The following MBOAT1 variants were observed in gnomAD, a reference collection of about 807,000 sequenced individuals.
The protein encoded by MBOAT1 is membrane bound glycerophospholipid O-acyltransferase 1.
MBOAT1 carries 67 observed loss-of-function variants against 64.4 expected under a neutral mutation model. That is an observed-to-expected ratio of 1.04 (90% CI 0.85 to 1.27). The LOEUF (loss-of-function observed/expected upper bound fraction) is 1.27, where lower values mean the gene tolerates loss of function less well. Ranked by LOEUF, MBOAT1 falls within the 50% of genes most tolerant of loss-of-function variation. MBOAT1 has a pLI of 0.00. For synonymous variants in MBOAT1, 229 were observed against 218.9 expected, an observed-to-expected ratio of 1.05 and a Z score of -0.41; for missense variants, 563 against 604.6, an observed-to-expected ratio of 0.93 and a Z score of 0.72.
At position 20,117,834 on chromosome 6, in the gene MBOAT1, C is replaced by T. The variant is rs1360708491; in HGVS notation, c.1011+603G>A. Among the ~76,000 whole-genome samples, 3 of 152,340 alleles carry T rather than the reference C, an allele frequency of 2.0e-5. No individual in the cohort carries two copies. The East Asian group carries it at 5.8e-4, about 29-fold the overall frequency. On this transcript the variant is annotated intron_variant, in intron 9 of 12. Coordinates refer to ENST00000324607, the MANE Select transcript of MBOAT1 (RefSeq NM_001080480.3). ...ATCTGAGACTTGGCATTCCTGTCTA[C>T]TCTGAGAGCTAGCAATGCAAAGAAA...
chr6:20,120,232 A>G (rs562041280), intron 8 of MBOAT1, among the ~76,000 whole-genome samples: 34 of 152,296 alleles, frequency 2.2e-4, no homozygotes, highest in African/African-American at 6.7e-4. Context: ...CCTTGAGCAT[A>G]AAATGGATAT....
chr6:20,199,934 C>T (rs188631549), intron 1 of MBOAT1, among the ~76,000 whole-genome samples: 245 of 152,166 alleles, frequency 1.6e-3, no homozygotes, highest in Non-Finnish European at 1.7e-3. Context: ...TGCCACTGCA[C>T]TCCAGCCTGG....
chr6:20,186,145 T>C (rs1439253777), intron 1 of MBOAT1, among the ~76,000 whole-genome samples: 1 of 152,234 alleles, frequency 6.6e-6, no homozygotes, highest in African/African-American at 2.4e-5. Flanking sequence ...ATAGTGCCAC[T>C]GTACTCCAGC....
chr6:20,189,399 T>G (rs1762741893), intron 1 of MBOAT1, among the ~76,000 whole-genome samples: 1 of 152,130 alleles, frequency 6.6e-6, no homozygotes, highest in Admixed American at 6.5e-5. Flanking sequence ...TCTAAGTAAT[T>G]TTTTTTAAGA....
At chr6:20,111,784 T>A in intron 11 of MBOAT1, among the ~76,000 whole-genome samples, 1 of 81,288 alleles carries the variant, frequency 1.2e-5, no homozygotes, top group African/African-American at 3.7e-5. Flanking sequence ...CTAGCCAGCA[T>A]GAACAGTAAT....
chr6:20,176,883 C>A (rs1318683655), intron 1 of MBOAT1, among the ~76,000 whole-genome samples: 1 of 152,202 alleles, frequency 6.6e-6, no homozygotes, highest in Non-Finnish European at 1.5e-5. Flanking sequence ...CTTAGCCTCC[C>A]AAAGTGCTGG....
intron 1 of MBOAT1, among the ~76,000 whole-genome samples, chr6:20,209,088 T>A (rs1161649484): frequency 6.6e-6 from 1 of 152,224 alleles, no homozygotes. Context: ...GCCCACTTTA[T>A]CCTAAGTGAA....
intron 11 of MBOAT1, among the ~76,000 whole-genome samples, chr6:20,112,316 G>GA (rs1340487352): frequency 1.3e-5 from 2 of 152,008 alleles, no homozygotes; most frequent in Non-Finnish European, 2.9e-5. Context: ...ACAGGCTCCT[G>GA]AAAAATCCTA....
intron 1 of MBOAT1, among the ~76,000 whole-genome samples, chr6:20,164,797 C>T (rs77278632): frequency 0.033 from 5,005 of 152,240 alleles, 102 homozygotes; most frequent in Non-Finnish European, 0.048. Context: ...GTTCGACTTA[C>T]GATTTTTCAA....
intron 1 of MBOAT1, among the ~76,000 whole-genome samples, chr6:20,162,184 G>A (rs765279581): frequency 1.2e-4 from 18 of 152,146 alleles, no homozygotes; most frequent in Admixed American, 2.0e-4. Flanking sequence ...AGGGACTCGG[G>A]GTTTAGGACT....
At chr6:20,171,301 C>A (rs1762183230) in intron 1 of MBOAT1, among the ~76,000 whole-genome samples, 1 of 151,416 alleles carries the variant, frequency 6.6e-6, no homozygotes, top group African/African-American at 2.4e-5. Context: ...CTTTGGGAGG[C>A]CAAGGCAGAA....
At position 20,112,891 on chromosome 6, in the gene MBOAT1, T is replaced by C. The variant is rs1258790645; in HGVS notation, c.1194A>G (p.Thr398=). ...YFTFLTGILV[T]LAARAVRNNY... Reference sequence around the variant, plus strand: ...GCACACTTACCGCTCTAGCTGCTAATGTGACAAGAATTCCAGTTAAGAAGG... The same window carrying C: ...GCACACTTACCGCTCTAGCTGCTAACGTGACAAGAATTCCAGTTAAGAAGG... The change falls in exon 11 of 13, where the codon ACA becomes ACG. Residue 398 remains threonine, a synonymous_variant. Transcript: ENST00000324607. 3 of 1,613,898 alleles carry C rather than the reference T, an allele frequency of 1.9e-6. No homozygotes were observed. Among genetic ancestry groups the C allele is most frequent in the Admixed American group, 1.7e-5 (1 of 59,992 alleles).
rs1037717129 is a variant in MBOAT1, at chr6:20,196,186, C to T, written c.99+15950G>A. Among the ~76,000 whole-genome samples the T allele has an allele frequency of 5.9e-5, 9 of 152,276 alleles. No homozygotes were observed. The South Asian group carries it at 1.7e-3, about 28-fold the overall frequency. On this transcript the variant is annotated intron_variant, in intron 1 of 12. Transcript: ENST00000324607. ...AAGCAGCAAATGCAATTTAAGTGAG[C>T]CTGGATTGGGAATACCTCAGCTGCA...
At chr6:20,151,527 T>C (rs1426019034) in intron 2 of MBOAT1, among the ~76,000 whole-genome samples, 3 of 152,246 alleles carry the variant, frequency 2.0e-5, no homozygotes, top group East Asian at 1.9e-4. Context: ...TTTTTTCCCA[T>C]ATGCAATTGA....
intron 3 of MBOAT1, among the ~76,000 whole-genome samples, chr6:20,149,998 C>T (rs375005829): frequency 1.0e-3 from 156 of 152,184 alleles, no homozygotes; most frequent in African/African-American, 3.3e-3. Flanking sequence ...GTATTGTTCC[C>T]GGCTTGGAGG....
At chr6:20,176,435 C>T (rs1762343763) in intron 1 of MBOAT1, among the ~76,000 whole-genome samples, 2 of 152,114 alleles carry the variant, frequency 1.3e-5, no homozygotes, top group Admixed American at 6.5e-5. Context: ...GGATCTGGAG[C>T]CTGTATGGAT....
intron 1 of MBOAT1, among the ~76,000 whole-genome samples, chr6:20,198,435 C>T (rs1763024328): frequency 6.6e-6 from 1 of 152,150 alleles, no homozygotes; most frequent in Non-Finnish European, 1.5e-5. Flanking sequence ...CCATCAAGTA[C>T]AAGACCCTCT....
chr6:20,124,310 G>A, intron 8 of MBOAT1, 98 bp downstream of exon 8: 8 of 1,247,514 alleles, frequency 6.4e-6, no homozygotes, highest in Non-Finnish European at 9.0e-6. Flanking sequence ...TACGTGTTGA[G>A]CTTCTTTGAT....
chr6:20,210,203 G>T (rs1168988891), intron 1 of MBOAT1, among the ~76,000 whole-genome samples: 2 of 152,156 alleles, frequency 1.3e-5, no homozygotes, highest in Non-Finnish European at 2.9e-5. Flanking sequence ...TTTACATGAG[G>T]ATGCTGAGTC....
Sources: allele counts gnomAD v4.1 joint callset (sites outside exome capture counted in the v4.1 genomes callset), GRCh38; gene constraint gnomAD v4.1.1; transcripts MANE v1.5; gene names NCBI Gene and HGNC (gene_info 2026-07-23, HGNC 2026-07-21).